Variants in PRRT3 observed in about 807,000 individuals in gnomAD.
PRRT3 encodes the protein proline-rich transmembrane protein 3.
In PRRT3, 48 loss-of-function variants were observed where a neutral mutation model predicts 56.6. The ratio of observed to expected loss-of-function variants is 0.85; its 90% CI spans 0.67 to 1.08. The LOEUF (loss-of-function observed/expected upper bound fraction) is 1.08, where lower values mean the gene tolerates loss of function less well. Ranked by LOEUF, PRRT3 falls within the 50% of genes least tolerant of loss-of-function variation. The probability of loss-of-function intolerance (pLI) is 0.00; values close to 1 mark genes in which losing one functional copy is unlikely to be tolerated. For synonymous variants in PRRT3, 641 were observed against 619.1 expected, an observed-to-expected ratio of 1.04 and a Z score of -0.52; for missense variants, 1,370 against 1,353.1, an observed-to-expected ratio of 1.01 and a Z score of -0.20.
chr3:9,946,666 AG>A lies in PRRT3; in HGVS notation c.2506del (p.Leu836SerfsTer53). ...VRDSVFQRCG[L>X]RGLASPPPGG... ...AGGCGGCGGGGAGGCCAGGCCGCGG[AG>A]GCCGCAGCGCTGGAACACACTGTCT... On this transcript the variant is annotated frameshift_variant, in exon 4 of 4. Transcript: ENST00000412055. LOFTEE classifies it low-confidence loss of function (END_TRUNC). The surrounding 1 kb of genome is among the most constrained non-coding windows in gnomAD (Gnocchi z 4.1). 2 of 1,401,884 alleles carry A rather than the reference AG, an allele frequency of 1.4e-6. No homozygotes were observed. Among genetic ancestry groups the A allele is most frequent in the Non-Finnish European group, 1.8e-6 (2 of 1,088,224 alleles). 86.8% of individuals were successfully genotyped at this position (1,401,884 alleles called of 1,614,324 possible).
At position 9,947,414 on chromosome 3, in the gene PRRT3, C is replaced by G; in HGVS notation, c.1759G>C (p.Ala587Pro). The G allele has an allele frequency of 6.2e-7, 1 of 1,612,484 alleles. No homozygotes were observed. Among genetic ancestry groups the G allele is most frequent in the Non-Finnish European group, 8.5e-7 (1 of 1,179,646 alleles). Residue 587 changes from alanine to proline, a missense_variant, in exon 4 of 4, where the codon GCG becomes CCG. Physicochemically the swap from Ala to Pro is conservative, Grantham distance 27 (BLOSUM62 -1). Coordinates refer to ENST00000412055, the MANE Select transcript of PRRT3 (RefSeq NM_207351.5). The surrounding 1 kb of genome is among the most constrained non-coding windows in gnomAD (Gnocchi z 9.2). Reference protein sequence around the residue: ...VALVHGVGLLATDLLSTWSVL... With the variant: ...VALVHGVGLLPTDLLSTWSVL... ...GACCATGTGGACAGCAGGTCTGTCG[C>G]GAGCAACCCTACACCATGCACCAGC...
chr3:9,946,807 G>A lies in PRRT3; in HGVS notation c.2366C>T (p.Ser789Phe). Reference sequence around the variant, plus strand: ...TGGCGCCGGTCCCACACCGTTGCGGGACAGTCCCGGGCCACCCTGGGGTCC... The same window carrying A: ...TGGCGCCGGTCCCACACCGTTGCGGAACAGTCCCGGGCCACCCTGGGGTCC... The part of the protein sequence containing the change: ...GRGPQGGPGL[S>F]RNGVGPAPSL... Residue 789 changes from serine (S) to phenylalanine (F), a missense_variant, in exon 4 of 4, where the codon TCC becomes TTC. Coordinates refer to ENST00000412055, the MANE Select transcript of PRRT3 (RefSeq NM_207351.5). The surrounding 1 kb of genome is among the most constrained non-coding windows in gnomAD (Gnocchi z 4.1). 2 of 1,547,714 alleles carry A rather than the reference G, an allele frequency of 1.3e-6. No homozygotes were observed. Among genetic ancestry groups the A allele is most frequent in the Non-Finnish European group, 1.7e-6 (2 of 1,153,918 alleles).
rs1183675238 is a variant in PRRT3, at chr3:9,948,848, G to A, written c.1081C>T (p.Pro361Ser). The change falls in exon 3 of 4, where the codon CCA becomes TCA. Residue 361 changes from proline to serine, a missense_variant. By Grantham distance (74) the Pro-to-Ser change is moderately conservative. Coordinates refer to ENST00000412055, the MANE Select transcript of PRRT3 (RefSeq NM_207351.5). Reference protein sequence around the residue: ...PQRVRGAVEAPGTPKSLIPGP... With the variant: ...PQRVRGAVEASGTPKSLIPGP... ...GGGATGAGAGACTTGGGGGTGCCTG[G>A]GGCCTCCACAGCTCCTCTCACCCGC... is the stretch of plus-strand genomic sequence containing the variant. 6.2e-7 allele frequency: 1 copy of A among 1,612,042 alleles called. No homozygotes were observed. Among genetic ancestry groups the A allele is most frequent in the East Asian group, 2.2e-5 (1 of 44,846 alleles).
chr3:9,951,270 G>C (rs2085616367), intron 1 of PRRT3, among the ~76,000 whole-genome samples: 1 of 152,202 alleles, frequency 6.6e-6, no homozygotes, highest in African/African-American at 2.4e-5. Flanking sequence ...GTTTCATGGA[G>C]GGTGCGAGAG....
rs1559344475 is a variant in PRRT3 at position 9,949,920 on chromosome 3, T to A, written c.196A>T (p.Arg66Ter). 1.9e-6 allele frequency: 3 copies of A among 1,610,900 alleles called. No individual in the cohort carries two copies. The highest frequency in any genetic ancestry group is 2.5e-6 in the Non-Finnish European group (3 of 1,178,326). Residue 66 changes from arginine to a stop codon, truncating the protein, a stop_gained, in exon 2 of 4, where the codon AGA becomes TGA. Transcript: ENST00000412055. LOFTEE classifies it high-confidence loss of function. The surrounding 1 kb of genome is among the most constrained non-coding windows in gnomAD (Gnocchi z 4.5). ...QAFDVFPENP[R>*]ADSHRNSDVR... ...TCAGAGTTCCTGTGACTGTCAGCTC[T>A]GGGGTTCTCCGGGAACACGTCAAAG...
At chr3:9,948,715 A>G (rs749376418) in intron 3 of PRRT3, 43 bp downstream of exon 3, 21 of 1,611,586 alleles carry the variant, frequency 1.3e-5, no homozygotes, top group Admixed American at 8.3e-5. Flanking sequence ...CTCAGTTACT[A>G]GACAGAGCAC....
In PRRT3 at chr3:9,949,695, C is replaced by T. The variant is rs773310731; in HGVS notation, c.421G>A (p.Ala141Thr). The T allele has an allele frequency of 6.2e-7, 1 of 1,614,136 alleles. No individual in the cohort carries two copies. Among genetic ancestry groups the T allele is most frequent in the Non-Finnish European group, 8.5e-7 (1 of 1,180,024 alleles). ...LDSQELLQQEAVAPHPVGHPH... is the reference protein window; with the variant it reads ...LDSQELLQQETVAPHPVGHPH... ...TGGCCCACTGGGTGGGGAGCCACTG[C>T]TTCTTGCTGCAGAAGCTCTTGTGAG... The change falls in exon 2 of 4, where the codon GCA becomes ACA. Residue 141 changes from alanine to threonine, a missense_variant. By Grantham distance (58) the Ala-to-Thr change is moderately conservative. Coordinates refer to ENST00000412055, the MANE Select transcript of PRRT3 (RefSeq NM_207351.5). The surrounding 1 kb of genome is among the most constrained non-coding windows in gnomAD (Gnocchi z 4.5).
In PRRT3 at chr3:9,947,671, C is replaced by T. The variant is rs779355483; in HGVS notation, c.1502G>A (p.Arg501Gln). The change falls in exon 4 of 4, where the codon CGG (arginine) becomes CAG (glutamine). Residue 501 changes from arginine (R) to glutamine (Q), a missense_variant. Coordinates refer to ENST00000412055, the MANE Select transcript of PRRT3 (RefSeq NM_207351.5). The surrounding 1 kb of genome is among the most constrained non-coding windows in gnomAD (Gnocchi z 9.2). ...AALAAAPAGPRLALVAAVLVL... is the reference protein window; with the variant it reads ...AALAAAPAGPQLALVAAVLVL... Reference sequence around the variant, plus strand: ...CAGCACCGCGGCCACCAATGCCAGCCGGGGCCCTGCTGGGGCGGCTGCCAG... The same window carrying T: ...CAGCACCGCGGCCACCAATGCCAGCTGGGGCCCTGCTGGGGCGGCTGCCAG... 1.3e-6 allele frequency: 2 copies of T among 1,567,702 alleles called. No homozygotes were observed. Among genetic ancestry groups the T allele is most frequent in the Non-Finnish European group, 1.7e-6 (2 of 1,159,060 alleles).
chr3:9,946,286 G>A lies in PRRT3; in HGVS notation c.2887C>T (p.Gln963Ter). The change falls in exon 4 of 4, where the codon CAG (glutamine) becomes TAG (stop). Residue 963 changes from glutamine (Q) to a stop codon, truncating the protein, a stop_gained. Coordinates refer to ENST00000412055, the MANE Select transcript of PRRT3 (RefSeq NM_207351.5). LOFTEE classifies it high-confidence loss of function. This position sits in a 1 kb window ranked among gnomAD's most constrained non-coding sequence, Gnocchi z 4.1. ...GATTCCCCAGGCTTGCCGCGCGGCT[G>A]GACCTCTCCCTGGCCGTCCCCCTGC... The part of the protein sequence containing the change: ...ARQGDGQGEV[Q>*]PRGKPGESRS... 1 of 1,612,762 alleles carries A rather than the reference G, an allele frequency of 6.2e-7. No individual in the cohort carries two copies. The highest frequency in any genetic ancestry group is 2.2e-5 in the East Asian group (1 of 44,848).
intron 2 of PRRT3, 76 bp from the exon 3 acceptor site, chr3:9,948,989 C>T: frequency 6.6e-7 from 1 of 1,518,152 alleles, no homozygotes; most frequent in Non-Finnish European, 8.8e-7. Flanking sequence ...GAGTCACAAT[C>T]AACCTCATTT....
chr3:9,949,426 C>T lies in PRRT3; in HGVS notation c.690G>A (p.Glu230=). The change falls in exon 2 of 4, where the codon GAG becomes GAA. Residue 230 remains glutamate (E), a synonymous_variant. Transcript: ENST00000412055. The surrounding 1 kb of genome is among the most constrained non-coding windows in gnomAD (Gnocchi z 4.5). ...RPVLEGQGGF[E]EHLQEAAQGP... ...CTTGAGCTGCCTCCTGCAAGTGTTC[C>T]TCAAACCCACCCTGTCCTTCCAGCA... 1 of 1,614,136 alleles carries T rather than the reference C, an allele frequency of 6.2e-7. No homozygotes were observed. The highest frequency in any genetic ancestry group is 8.5e-7 in the Non-Finnish European group (1 of 1,180,024).
At position 9,946,993 on chromosome 3, in the gene PRRT3, C is replaced by G; in HGVS notation, c.2180G>C (p.Ser727Thr). The G allele has an allele frequency of 6.5e-7, 1 of 1,543,292 alleles. No individual in the cohort carries two copies. The highest frequency in any genetic ancestry group is 1.2e-5 in the South Asian group (1 of 84,726). ...GTTATTGGGTCGCTCCGGCACCTCG[C>G]TCTTTCCTGACGGCGCCGGGCACGC... Reference protein sequence around the residue: ...RLACPAPSGKSEVPERPNNCY... With the variant: ...RLACPAPSGKTEVPERPNNCY... Residue 727 changes from serine (S) to threonine (T), a missense_variant, in exon 4 of 4, where the codon AGC (serine) becomes ACC (threonine). By Grantham distance (58) the Ser-to-Thr change is moderately conservative (BLOSUM62 1). Transcript: ENST00000412055. This position sits in a 1 kb window ranked among gnomAD's most constrained non-coding sequence, Gnocchi z 4.1.
rs1303231645 is a variant in PRRT3, at chr3:9,947,146, C to T, written c.2027G>A (p.Trp676Ter). ...GRVGRFSWAW[W>*]GVHFWLRLLE... Reference sequence around the variant, plus strand: ...GAGGCGCAGCCAGAAGTGGACACCCCACCAGGCCCACGAGAAGCGGCCCAC... The same window carrying T: ...GAGGCGCAGCCAGAAGTGGACACCCTACCAGGCCCACGAGAAGCGGCCCAC... The change falls in exon 4 of 4, where the codon TGG becomes TAG. Residue 676 changes from tryptophan (W) to a stop codon, truncating the protein, a stop_gained. Transcript: ENST00000412055. LOFTEE classifies it high-confidence loss of function. This position sits in a 1 kb window ranked among gnomAD's most constrained non-coding sequence, Gnocchi z 9.2. 6.5e-7 allele frequency: 1 copy of T among 1,537,676 alleles called. No individual in the cohort carries two copies. Among genetic ancestry groups the T allele is most frequent in the Admixed American group, 2.0e-5 (1 of 51,250 alleles).
intron 3 of PRRT3, 27 bp from the exon 4 acceptor site, chr3:9,948,028 C>G: frequency 1.5e-6 from 2 of 1,295,348 alleles, no homozygotes; most frequent in Non-Finnish European, 2.0e-6. Context: ...ATTAAAATAG[C>G]CATTTGAAAA....
rs1428427233 is a variant in PRRT3 at position 9,952,390 on chromosome 3, G to A, written c.-126C>T. On this transcript the variant is annotated 5_prime_UTR_variant, in exon 1 of 4. Coordinates refer to ENST00000412055, the MANE Select transcript of PRRT3 (RefSeq NM_207351.5). ...AGCCGATCGCCGCGCCGCATCCTCCGAGATGCTCAGACTCGGCTAACAGAG... is the reference window on the plus strand; with the variant it reads ...AGCCGATCGCCGCGCCGCATCCTCCAAGATGCTCAGACTCGGCTAACAGAG... 6.6e-6 allele frequency: 1 copy of A among 152,338 alleles called. No homozygotes were observed. Among genetic ancestry groups the A allele is most frequent in the African/African-American group, 2.4e-5 (1 of 41,454 alleles). The allele number at this position is 152,338 out of a possible 1,614,324, so 9.4% of individuals were successfully genotyped here. A position where few individuals can be genotyped will look rare whatever the true frequency, so the allele number is the denominator to read the frequency against.
At chr3:9,950,442 A>G (rs2085605269) in intron 1 of PRRT3, among the ~76,000 whole-genome samples, 1 of 152,162 alleles carries the variant, frequency 6.6e-6, no homozygotes, top group Non-Finnish European at 1.5e-5. Context: ...TGTGGCTCCC[A>G]TGCCTTTTGC....
At chr3:9,950,526 G>A (rs1432572761) in intron 1 of PRRT3, among the ~76,000 whole-genome samples, 2 of 150,678 alleles carry the variant, frequency 1.3e-5, no homozygotes, top group East Asian at 1.9e-4. Flanking sequence ...TTTTTGAGAC[G>A]GAGTCTTGCT....
At chr3:9,951,127 C>T (rs2085614306) in intron 1 of PRRT3, among the ~76,000 whole-genome samples, 1 of 152,168 alleles carries the variant, frequency 6.6e-6, no homozygotes, top group Non-Finnish European at 1.5e-5. Flanking sequence ...CTATAATAAT[C>T]TCCTGCCTCT....
At position 9,947,783 on chromosome 3, in the gene PRRT3, G is replaced by A. The variant is rs2085554132; in HGVS notation, c.1390C>T (p.Arg464Trp). The A allele has an allele frequency of 5.4e-6, 8 of 1,470,382 alleles. No individual in the cohort carries two copies. Among genetic ancestry groups the A allele is most frequent in the Non-Finnish European group, 4.5e-6 (5 of 1,112,320 alleles). The allele number at this position is 1,470,382 out of a possible 1,614,324, so 91.1% of individuals were successfully genotyped here. The change falls in exon 4 of 4, where the codon CGG becomes TGG. Residue 464 changes from arginine to tryptophan, a missense_variant. Physicochemically the swap from Arg to Trp is moderately radical, Grantham distance 101. Coordinates refer to ENST00000412055, the MANE Select transcript of PRRT3 (RefSeq NM_207351.5). This position sits in a 1 kb window ranked among gnomAD's most constrained non-coding sequence, Gnocchi z 9.2. ...TAPPLRWGPL[R>W]RVLSFSWELH... ...TCCCAGGAGAAGCTCAGGACCCGCC[G>A]AAGGGGGCCCCAGCGTAGCGGGGGT...
Sources: allele counts gnomAD v4.1 joint callset (sites outside exome capture counted in the v4.1 genomes callset), GRCh38; gene constraint gnomAD v4.1.1; non-coding constraint Gnocchi (gnomAD v3.1); transcripts MANE v1.5; gene names NCBI Gene and HGNC (gene_info 2026-07-23, HGNC 2026-07-21).